SGCD: variants seen among roughly 807,000 people sequenced by gnomAD.
The protein encoded by SGCD is sarcoglycan delta.
SGCD carries 18 observed loss-of-function variants against 36.6 expected under a neutral mutation model. That is an observed-to-expected ratio of 0.49 (90% CI 0.34 to 0.73). SGCD has a LOEUF of 0.73. Among genes scored for constraint, SGCD ranks in the 30% least tolerant of loss-of-function variants. The probability of loss-of-function intolerance (pLI) is 0.01; values close to 1 mark genes in which losing one functional copy is unlikely to be tolerated. For synonymous variants in SGCD, 133 were observed against 130.6 expected (o/e 1.02, Z -0.12); for missense variants, 387 against 346.7 (o/e 1.12, Z -0.92).
chr5:156,136,726 T>G (rs181481428), intron 3 of SGCD, among the ~76,000 whole-genome samples: 2 of 152,280 alleles, frequency 1.3e-5, no homozygotes, highest in African/African-American at 4.8e-5. Flanking sequence ...TTTTTGACAT[T>G]TAATGATATT....
At chr5:156,669,473 C>A (rs1165110682) in intron 7 of SGCD, among the ~76,000 whole-genome samples, 1 of 152,000 alleles carries the variant, frequency 6.6e-6, no homozygotes, top group East Asian at 1.9e-4. Context: ...GAGAGGTTGA[C>A]AAAATAAACT....
At chr5:155,823,663 A>G in the SGCD span, among the ~76,000 whole-genome samples, 1 of 152,200 alleles carries the variant, frequency 6.6e-6, no homozygotes, top group Non-Finnish European at 1.5e-5. Flanking sequence ...CAAAACTGTA[A>G]GGTGTCCCCA....
intron 1 of SGCD, among the ~76,000 whole-genome samples, chr5:155,935,568 T>C (rs1040170122): frequency 6.6e-5 from 10 of 152,174 alleles, no homozygotes; most frequent in Non-Finnish European, 1.0e-4. Flanking sequence ...CATATCTGAT[T>C]TGAACCTTAA....
intron 3 of SGCD, among the ~76,000 whole-genome samples, chr5:156,130,981 G>A (rs1206452094): frequency 1.3e-5 from 2 of 152,070 alleles, no homozygotes; most frequent in African/African-American, 2.4e-5. Flanking sequence ...CACTGGCCTC[G>A]GCCTCCCAAA....
At chr5:156,251,807 C>T (rs949645188) in intron 3 of SGCD, among the ~76,000 whole-genome samples, 2 of 152,072 alleles carry the variant, frequency 1.3e-5, no homozygotes, top group Admixed American at 6.5e-5. Context: ...AGCCACTGTG[C>T]CCGGCCTATA....
chr5:155,757,242 A>G, the SGCD span, among the ~76,000 whole-genome samples: 1 of 152,220 alleles, frequency 6.6e-6, no homozygotes, highest in Non-Finnish European at 1.5e-5. Flanking sequence ...CTCAAGGCTT[A>G]ATCTATAATA....
intron 1 of SGCD, among the ~76,000 whole-genome samples, chr5:155,908,965 A>G (rs1756577796): frequency 6.6e-6 from 1 of 152,184 alleles, no homozygotes; most frequent in African/African-American, 2.4e-5. Context: ...ATATTGTAAT[A>G]GGACATATGT....
intron 6 of SGCD, among the ~76,000 whole-genome samples, chr5:156,610,538 G>T (rs538472901): frequency 3.9e-5 from 6 of 152,236 alleles, no homozygotes; most frequent in Non-Finnish European, 8.8e-5. Context: ...CTCCAGCTGC[G>T]TGCTGGGAGA....
chr5:155,827,152 G>T, the SGCD span, among the ~76,000 whole-genome samples: 1 of 152,130 alleles, frequency 6.6e-6, no homozygotes, highest in African/African-American at 2.4e-5. Context: ...CACCCTACAT[G>T]CCTTCCACAG....
intron 5 of SGCD, among the ~76,000 whole-genome samples, chr5:156,592,605 G>T (rs991742637): frequency 1.3e-5 from 2 of 151,926 alleles, no homozygotes; most frequent in African/African-American, 2.4e-5. Flanking sequence ...ACAAATAAAT[G>T]CCCCTTTCCT....
chr5:156,070,150 A>G (rs1760496844), intron 1 of SGCD, among the ~76,000 whole-genome samples: 1 of 149,132 alleles, frequency 6.7e-6, no homozygotes, highest in Admixed American at 6.6e-5. Flanking sequence ...TGCCCTGGCC[A>G]GAACTTCCAA....
chr5:155,908,409 ATATT>A (rs1007570725), intron 1 of SGCD, among the ~76,000 whole-genome samples: 3 of 152,126 alleles, frequency 2.0e-5, no homozygotes, highest in African/African-American at 7.2e-5. Context: ...ATACTCATGA[ATATT>A]TATTGAATGA....
intron 3 of SGCD, among the ~76,000 whole-genome samples, chr5:156,216,472 G>T (rs1020828764): frequency 6.6e-6 from 1 of 152,094 alleles, no homozygotes; most frequent in Non-Finnish European, 1.5e-5. Context: ...GAATTTCCAA[G>T]TTTGAAATAA....
chr5:156,126,159 G>A (rs1013649755), intron 3 of SGCD, among the ~76,000 whole-genome samples: 1 of 152,082 alleles, frequency 6.6e-6, no homozygotes, highest in Non-Finnish European at 1.5e-5. Context: ...GGGATTACAG[G>A]CATGAGCCAC....
chr5:156,590,070 A>G (rs1035396167), intron 5 of SGCD, among the ~76,000 whole-genome samples: 1 of 152,190 alleles, frequency 6.6e-6, no homozygotes, highest in Non-Finnish European at 1.5e-5. Flanking sequence ...AGGGAAAAGG[A>G]ATGTATGTAT....
chr5:155,734,188 TATTA>T, the SGCD span, among the ~76,000 whole-genome samples: 1 of 147,936 alleles, frequency 6.8e-6, no homozygotes, highest in Non-Finnish European at 1.5e-5. Flanking sequence ...ATATTACTGT[TATTA>T]ATTATATTAA....
chr5:155,782,745 A>G, the SGCD span, among the ~76,000 whole-genome samples: 1 of 152,162 alleles, frequency 6.6e-6, no homozygotes, highest in Non-Finnish European at 1.5e-5. Context: ...AGATTCTTAC[A>G]GGAGCATGAA....
At chr5:155,778,628 T>TGGCAACCAC in the SGCD span, among the ~76,000 whole-genome samples, 3 of 31,096 alleles carry the variant, frequency 9.6e-5, no homozygotes, top group South Asian at 1.8e-3. Flanking sequence ...TTTTAAGCTA[T>TGGCAACCAC]TGCTTAAAAT....
chr5:156,619,522 T>C (rs1247318930), intron 6 of SGCD, among the ~76,000 whole-genome samples: 1 of 152,232 alleles, frequency 6.6e-6, no homozygotes, highest in African/African-American at 2.4e-5. Context: ...GGAGATAAAC[T>C]TCTGTCAGGC....
Sources: gnomAD v4.1 joint callset for allele counts (sites outside exome capture counted in the v4.1 genomes callset) on GRCh38, gnomAD v4.1.1 for gene constraint, MANE v1.5 for transcripts, NCBI Gene and HGNC (gene_info 2026-07-23, HGNC 2026-07-21) for gene names.